METTL8: variants seen among roughly 807,000 people sequenced by gnomAD.
METTL8 encodes tRNA N(3)-cytidine methyltransferase METTL8, mitochondrial.
Under a neutral mutation model 48.7 loss-of-function variants are expected in METTL8, and 32 were observed. That is an observed-to-expected ratio of 0.66 (90% CI 0.50 to 0.88). The LOEUF (loss-of-function observed/expected upper bound fraction) is 0.88. Among genes scored for constraint, METTL8 ranks in the 40% least tolerant of loss-of-function variants. The pLI is 0.00. For synonymous variants in METTL8, 136 were observed against 157.1 expected, an observed-to-expected ratio of 0.87 and a Z score of 1.01; for missense variants, 464 against 474.4, an observed-to-expected ratio of 0.98 and a Z score of 0.20.
chr2:171,337,024 T>C (rs1686192927), intron 5 of METTL8, among the ~76,000 whole-genome samples: 1 of 151,828 alleles, frequency 6.6e-6, no homozygotes, highest in Non-Finnish European at 1.5e-5. Flanking sequence ...TGCGCCACCA[T>C]GCCTGGCTAA....
At chr2:171,426,558 TGATA>T (rs1330159411) in intron 1 of METTL8, among the ~76,000 whole-genome samples, 1 of 152,232 alleles carries the variant, frequency 6.6e-6, no homozygotes, top group Non-Finnish European at 1.5e-5. Flanking sequence ...CATAAAGGAT[TGATA>T]TTCTTTTGAA....
rs532657635 is a variant in METTL8, at chr2:171,316,238, G to A, written c.*7934C>T. Among the ~76,000 whole-genome samples, 9 of 152,292 alleles carry A rather than the reference G, an allele frequency of 5.9e-5. No individual in the cohort carries two copies. The highest frequency in any genetic ancestry group is 2.2e-4 in the African/African-American group (9 of 41,564). On this transcript the variant is annotated 3_prime_UTR_variant, in exon 10 of 10. Coordinates refer to ENST00000375258, the MANE Select transcript of METTL8 (RefSeq NM_001321154.2). ...ATGAGCAGGACTTAATTCTCATGCC[G>A]GCATGGGGCTGCCGGGCACCCAGCT...
intron 4 of METTL8, among the ~76,000 whole-genome samples, chr2:171,338,443 G>T (rs1355524775): frequency 6.6e-6 from 1 of 151,952 alleles, no homozygotes; most frequent in African/African-American, 2.4e-5. Context: ...TTCAAAACCA[G>T]CCTGGCCAAC....
At chr2:171,403,941 A>G (rs981339790) in intron 1 of METTL8, among the ~76,000 whole-genome samples, 23 of 150,000 alleles carry the variant, frequency 1.5e-4, no homozygotes, top group Admixed American at 1.3e-3. Flanking sequence ...AGATGATGAG[A>G]TCTGTTCAGT....
chr2:171,430,593 T>C (rs1006242749), intron 1 of METTL8, among the ~76,000 whole-genome samples: 1 of 152,130 alleles, frequency 6.6e-6, no homozygotes, highest in African/African-American at 2.4e-5. Context: ...GCTGAAAGAA[T>C]GCAACAGGCA....
At chr2:171,354,653 C>T (rs1012537341) in intron 3 of METTL8, among the ~76,000 whole-genome samples, 5 of 152,058 alleles carry the variant, frequency 3.3e-5, no homozygotes, top group South Asian at 2.1e-4. Context: ...AGGCTTTGTT[C>T]GTTTCTTTTT....
intron 1 of METTL8, among the ~76,000 whole-genome samples, chr2:171,431,725 C>A (rs138271442): frequency 6.6e-6 from 1 of 152,264 alleles, no homozygotes; most frequent in African/African-American, 2.4e-5. Flanking sequence ...AGAAGCAGGG[C>A]GGGGGGCCAG....
intron 3 of METTL8, 109 bp downstream of exon 3, chr2:171,360,312 CA>C: frequency 1.3e-6 from 1 of 795,856 alleles, no homozygotes; most frequent in Non-Finnish European, 2.0e-6. Flanking sequence ...CCAAATGGAA[CA>C]AGTGGACTGG....
chr2:171,386,561 C>T (rs1688068267), intron 2 of METTL8, among the ~76,000 whole-genome samples: 1 of 152,130 alleles, frequency 6.6e-6, no homozygotes, highest in South Asian at 2.1e-4. Context: ...GTCAGGAGTG[C>T]GAGACCGGCC....
At chr2:171,331,220 C>G (rs1231086743) in intron 6 of METTL8, among the ~76,000 whole-genome samples, 1 of 152,134 alleles carries the variant, frequency 6.6e-6, no homozygotes, top group Non-Finnish European at 1.5e-5. Flanking sequence ...AAGCCATTCT[C>G]CTGCCTCAGC....
upstream of METTL8, chr2:171,434,475 A>G (rs1175704400): frequency 6.6e-7 from 1 of 1,513,548 alleles, no homozygotes; most frequent in Non-Finnish European, 8.8e-7. Flanking sequence ...CCGCCGGGAA[A>G]GTCTGGGCCT....
At chr2:171,390,502 T>C (rs1467733494) in intron 2 of METTL8, among the ~76,000 whole-genome samples, 1 of 152,206 alleles carries the variant, frequency 6.6e-6, no homozygotes, top group Non-Finnish European at 1.5e-5. Context: ...TACATGCCAT[T>C]AAGAACATTT....
chr2:171,371,024 T>C (rs1574017959), intron 2 of METTL8, among the ~76,000 whole-genome samples: 1 of 152,190 alleles, frequency 6.6e-6, no homozygotes, highest in South Asian at 2.1e-4. Flanking sequence ...AATTATTCTA[T>C]TTCATCAAAT....
intron 1 of METTL8, among the ~76,000 whole-genome samples, chr2:171,396,394 T>A (rs1689068880): frequency 6.6e-6 from 1 of 152,212 alleles, no homozygotes; most frequent in South Asian, 2.1e-4. Context: ...TTAATAAATG[T>A]CCCTTCTTAT....
At chr2:171,377,172 C>A (rs1687058331) in intron 2 of METTL8, among the ~76,000 whole-genome samples, 1 of 152,150 alleles carries the variant, frequency 6.6e-6, no homozygotes, top group African/African-American at 2.4e-5. Flanking sequence ...GGATGCTCAT[C>A]TCTCACCTTA....
At chr2:171,379,414 AGAACT>A (rs923153668) in intron 2 of METTL8, among the ~76,000 whole-genome samples, 2 of 152,160 alleles carry the variant, frequency 1.3e-5, no homozygotes, top group African/African-American at 4.8e-5. Flanking sequence ...AGACCAGAGC[AGAACT>A]GAAGGAGATA....
chr2:171,330,719 A>T, intron 6 of METTL8, 21 bp from the exon 7 acceptor site: 1 of 1,586,734 alleles, frequency 6.3e-7, no homozygotes, highest in Non-Finnish European at 8.5e-7. Context: ...AAAGGAACAG[A>T]AAGCAAAAAG....
chr2:171,360,346 T>G, intron 3 of METTL8, 76 bp downstream of exon 3: 1 of 1,252,572 alleles, frequency 8.0e-7, no homozygotes, highest in South Asian at 1.3e-5. Flanking sequence ...CTAAGAACTC[T>G]CAGAAGCAAT....
rs773311107 is a variant in METTL8 at position 171,360,442 on chromosome 2, C to T, written c.215G>A (p.Arg72Gln). The T allele has an allele frequency of 1.7e-5, 27 of 1,613,682 alleles. No homozygotes were observed. The highest frequency in any genetic ancestry group is 2.0e-5 in the Non-Finnish European group (24 of 1,179,898). Residue 72 changes from arginine to glutamine, a missense_variant, in exon 3 of 10, where the codon CGA becomes CAA. Physicochemically the swap from Arg to Gln is conservative, Grantham distance 43. Transcript: ENST00000375258. ...ACTACCTTGCTCTTCCAGAAGGACT[C>T]GCACAGCTGAGTTTTCTTTTACTTT... ...RKKVKENSAVRVLLEEQVKYE... is the reference protein window; with the variant it reads ...RKKVKENSAVQVLLEEQVKYE...
Sources: gnomAD v4.1 joint callset for allele counts (sites outside exome capture counted in the v4.1 genomes callset) on GRCh38, gnomAD v4.1.1 for gene constraint, MANE v1.5 for transcripts, NCBI Gene and HGNC (gene_info 2026-07-23, HGNC 2026-07-21) for gene names.